AGBL4: variants seen among roughly 807,000 people sequenced by gnomAD.
AGBL4 encodes the protein cytosolic carboxypeptidase 6.
In AGBL4, 58 loss-of-function variants were observed where a neutral mutation model predicts 66.4. The ratio of observed to expected loss-of-function variants is 0.87; its 90% CI spans 0.71 to 1.09. The LOEUF is 1.09. Ranked by LOEUF, AGBL4 falls within the 50% of genes least tolerant of loss-of-function variation. AGBL4 has a pLI of 0.00. For synonymous variants in AGBL4, 234 were observed against 222.9 expected, an observed-to-expected ratio of 1.05 and a Z score of -0.44; for missense variants, 579 against 631.0, an observed-to-expected ratio of 0.92 and a Z score of 0.88.
chr1:48,832,315 C>T (rs1445089152), intron 6 of AGBL4, among the ~76,000 whole-genome samples: 1 of 152,158 alleles, frequency 6.6e-6, no homozygotes, highest in African/African-American at 2.4e-5. Context: ...AATAAACATC[C>T]TAATACTTTA....
At chr1:48,967,157 C>T (rs145622172) in intron 5 of AGBL4, among the ~76,000 whole-genome samples, 85 of 152,050 alleles carry the variant, frequency 5.6e-4, no homozygotes, top group African/African-American at 2.0e-3. Context: ...TTCCAAAATC[C>T]ACTGTGTTTC....
intron 4 of AGBL4, among the ~76,000 whole-genome samples, chr1:49,093,698 G>A (rs995517805): frequency 6.6e-6 from 1 of 152,104 alleles, no homozygotes; most frequent in African/African-American, 2.4e-5. Flanking sequence ...CAAATTCACA[G>A]AAATGAAATA....
At chr1:49,546,360 T>A (rs1251065358) in intron 3 of AGBL4, among the ~76,000 whole-genome samples, 1 of 151,156 alleles carries the variant, frequency 6.6e-6, no homozygotes, top group South Asian at 2.1e-4. Flanking sequence ...TATATATATA[T>A]TCCATCATTA....
rs983931450 is a variant in AGBL4 at position 49,523,123 on chromosome 1, C to T, written c.282+174190G>A. Among the ~76,000 whole-genome samples, 3 of 152,134 alleles carry T rather than the reference C, an allele frequency of 2.0e-5. No homozygotes were observed. In the South Asian group the frequency reaches 6.2e-4, roughly 32 times the overall value. Reference sequence around the variant, plus strand: ...TGTTTTCTCATCATTAAGATCATTCCATTAACTCCTGAGATCTGGGATTCA... The same window carrying T: ...TGTTTTCTCATCATTAAGATCATTCTATTAACTCCTGAGATCTGGGATTCA... On this transcript the variant is annotated intron_variant, in intron 3 of 13. Transcript: ENST00000371839.
chr1:49,893,134 G>A (rs1225847838), intron 1 of AGBL4, among the ~76,000 whole-genome samples: 1 of 152,128 alleles, frequency 6.6e-6, no homozygotes, highest in Non-Finnish European at 1.5e-5. Context: ...GGAAGAAGGT[G>A]CAAAAATCCA....
At chr1:49,304,662 T>C (rs919076698) in intron 3 of AGBL4, among the ~76,000 whole-genome samples, 2 of 152,180 alleles carry the variant, frequency 1.3e-5, no homozygotes, top group African/African-American at 4.8e-5. Flanking sequence ...ATTTGCATTG[T>C]GAAATGCAAA....
chr1:49,365,392 T>G (rs916548112), intron 3 of AGBL4, among the ~76,000 whole-genome samples: 1 of 151,964 alleles, frequency 6.6e-6, no homozygotes, highest in African/African-American at 2.4e-5. Flanking sequence ...CACTTAGTGT[T>G]ATTTTATGGA....
chr1:49,465,213 ACAC>A (rs1646602888), intron 3 of AGBL4, among the ~76,000 whole-genome samples: 2 of 18,556 alleles, frequency 1.1e-4, no homozygotes, highest in Non-Finnish European at 2.8e-4. Context: ...CCCTACATAC[ACAC>A]ACACACACAC....
chr1:48,896,963 GCC>G (rs1393356793), intron 5 of AGBL4, among the ~76,000 whole-genome samples: 1 of 152,098 alleles, frequency 6.6e-6, no homozygotes, highest in Non-Finnish European at 1.5e-5. Flanking sequence ...TTTCTAATTT[GCC>G]TTTTAAATGG....
rs568618517 is a variant in AGBL4, at chr1:48,596,987, G to A, written c.952-6002C>T. ...TCCTACACTCTGGCCTTCTAGAACC[G>A]CCGTAACTTCCCAAGCACACTGGTG... On this transcript the variant is annotated intron_variant, in intron 9 of 13. Transcript: ENST00000371839. Among the ~76,000 whole-genome samples, 11 of 152,200 alleles carry A rather than the reference G, an allele frequency of 7.2e-5. No homozygotes were observed. The South Asian group carries it at 2.1e-3, about 29-fold the overall frequency.
At chr1:49,083,755 C>T (rs1644849011) in intron 4 of AGBL4, among the ~76,000 whole-genome samples, 1 of 152,234 alleles carries the variant, frequency 6.6e-6, no homozygotes, top group Non-Finnish European at 1.5e-5. Flanking sequence ...ACAGCATCAT[C>T]AGGCTGCAAT....
At chr1:48,837,663 AAC>A (rs58493461) in intron 6 of AGBL4, among the ~76,000 whole-genome samples, 17,359 of 119,462 alleles carry the variant, frequency 0.15, 2,071 homozygotes, top group African/African-American at 0.32. Flanking sequence ...TTACTTAATG[AAC>A]ACACACACAC....
At chr1:48,732,865 G>A (rs2148561857) in intron 6 of AGBL4, among the ~76,000 whole-genome samples, 1 of 152,266 alleles carries the variant, frequency 6.6e-6, no homozygotes, top group African/African-American at 2.4e-5. Flanking sequence ...ACAGAGGAGA[G>A]GGCCCATCAA....
At chr1:49,589,326 C>T (rs1361190055) in intron 3 of AGBL4, among the ~76,000 whole-genome samples, 3 of 152,064 alleles carry the variant, frequency 2.0e-5, no homozygotes, top group African/African-American at 7.2e-5. Context: ...ACTGGAGAAG[C>T]AACACTGTGA....
intron 5 of AGBL4, among the ~76,000 whole-genome samples, chr1:49,021,039 C>A (rs886819527): frequency 6.6e-6 from 1 of 152,204 alleles, no homozygotes; most frequent in Non-Finnish European, 1.5e-5. Flanking sequence ...GCCCTAGAGG[C>A]ATAAGGATAA....
intron 3 of AGBL4, among the ~76,000 whole-genome samples, chr1:49,266,924 C>T (rs1411786249): frequency 6.6e-6 from 1 of 152,148 alleles, no homozygotes; most frequent in African/African-American, 2.4e-5. Flanking sequence ...AGAAAAAGCA[C>T]CTAAGGCTGC....
chr1:49,672,125 A>G (rs1445293439), intron 3 of AGBL4, among the ~76,000 whole-genome samples: 2 of 152,216 alleles, frequency 1.3e-5, no homozygotes, highest in Admixed American at 6.5e-5. Context: ...AAAATGTGGT[A>G]CATATATACC....
intron 9 of AGBL4, among the ~76,000 whole-genome samples, chr1:48,600,347 C>T (rs1018841661): frequency 4.6e-5 from 7 of 152,088 alleles, no homozygotes; most frequent in Non-Finnish European, 8.8e-5. Flanking sequence ...AACAACATAG[C>T]CCTTACTTTA....
At chr1:49,885,919 T>C (rs1437743203) in intron 1 of AGBL4, among the ~76,000 whole-genome samples, 1 of 152,180 alleles carries the variant, frequency 6.6e-6, no homozygotes, top group Non-Finnish European at 1.5e-5. Flanking sequence ...AATACTTGGT[T>C]GGCCACTTTT....
Sources: gnomAD v4.1 joint callset for allele counts (sites outside exome capture counted in the v4.1 genomes callset) on GRCh38, gnomAD v4.1.1 for gene constraint, MANE v1.5 for transcripts, NCBI Gene and HGNC (gene_info 2026-07-23, HGNC 2026-07-21) for gene names.